Variants in COL22A1 observed in about 807,000 individuals in gnomAD.
COL22A1 encodes the protein collagen type XXII alpha 1 chain, also known as collagen alpha-1(XXII) chain.
Under a neutral mutation model 248.9 loss-of-function variants are expected in COL22A1, and 221 were observed. The ratio of observed to expected loss-of-function variants is 0.89; its 90% CI spans 0.80 to 0.99. The LOEUF is 0.99. Ranked by LOEUF, COL22A1 falls within the 50% of genes least tolerant of loss-of-function variation. The pLI, the probability that COL22A1 is intolerant of heterozygous loss-of-function variation, is 0.00. For synonymous variants in COL22A1, 891 were observed against 793.4 expected, an observed-to-expected ratio of 1.12 and a Z score of -2.07; for missense variants, 2,240 against 2,179.0, an observed-to-expected ratio of 1.03 and a Z score of -0.56.
Position 138,716,294 on chromosome 8 carries a change from G to A in COL22A1, c.2401-5C>T. 6.3e-7 allele frequency: 1 copy of A among 1,581,184 alleles called. No homozygotes were observed. The highest frequency in any genetic ancestry group is 8.6e-7 in the Non-Finnish European group (1 of 1,161,294). ...CCCTGGGAGGCCTGCTTCTCCCTGTGAGAACAAAATATTCACAAGGCGTCA... is the reference window on the plus strand; with the variant it reads ...CCCTGGGAGGCCTGCTTCTCCCTGTAAGAACAAAATATTCACAAGGCGTCA... On this transcript the variant is annotated splice_polypyrimidine_tract_variant and splice_region_variant and intron_variant, in intron 28 of 64. Coordinates refer to ENST00000303045, the MANE Select transcript of COL22A1 (RefSeq NM_152888.3).
chr8:138,841,799 A>G (rs1820904026), intron 4 of COL22A1, among the ~76,000 whole-genome samples: 1 of 152,126 alleles, frequency 6.6e-6, no homozygotes, highest in Non-Finnish European at 1.5e-5. Flanking sequence ...AGGAAGTGCA[A>G]TTTTCTTTCA....
intron 49 of COL22A1, among the ~76,000 whole-genome samples, chr8:138,634,442 A>G (rs1035135212): frequency 1.7e-4 from 26 of 152,154 alleles, no homozygotes; most frequent in Non-Finnish European, 2.2e-4. Flanking sequence ...CATGATGGAT[A>G]TGTGGGCTGC....
At chr8:138,699,913 G>T (rs1349545667) in intron 32 of COL22A1, among the ~76,000 whole-genome samples, 199 bp downstream of exon 32, 3 of 152,322 alleles carry the variant, frequency 2.0e-5, no homozygotes, top group Non-Finnish European at 4.4e-5. Context: ...GGAATGTCCT[G>T]CCTGACCCTG....
At chr8:138,860,395 G>A (rs1338084842) in intron 3 of COL22A1, among the ~76,000 whole-genome samples, 1 of 152,168 alleles carries the variant, frequency 6.6e-6, no homozygotes, top group African/African-American at 2.4e-5. Context: ...CAGACTGAGC[G>A]AGCCAGCACC....
chr8:138,853,036 C>A (rs1016552910), intron 3 of COL22A1, among the ~76,000 whole-genome samples: 1 of 151,762 alleles, frequency 6.6e-6, no homozygotes, highest in South Asian at 2.1e-4. Flanking sequence ...ATTAGCAGCA[C>A]GTGGTGATGT....
intron 7 of COL22A1, among the ~76,000 whole-genome samples, chr8:138,818,814 C>A (rs960945312): frequency 2.0e-5 from 3 of 152,130 alleles, no homozygotes; most frequent in Admixed American, 1.3e-4. Flanking sequence ...CTATTTTTTG[C>A]TTAACTTGGT....
chr8:138,847,812 A>AC (rs1821355919), intron 3 of COL22A1, among the ~76,000 whole-genome samples: 1 of 152,042 alleles, frequency 6.6e-6, no homozygotes, highest in Non-Finnish European at 1.5e-5. Context: ...AAAAAAAAAA[A>AC]AAACTTCTAT....
intron 12 of COL22A1, among the ~76,000 whole-genome samples, chr8:138,781,297 T>C (rs1814971358): frequency 6.6e-6 from 1 of 152,130 alleles, no homozygotes; most frequent in African/African-American, 2.4e-5. Context: ...TTCCTCGCCC[T>C]GGGCTTGGTC....
At chr8:138,796,719 G>A (rs755373353) in intron 12 of COL22A1, 100 bp downstream of exon 12, 32 of 851,062 alleles carry the variant, frequency 3.8e-5, no homozygotes, top group East Asian at 1.2e-4. Flanking sequence ...TCCCCCACTC[G>A]AATTCTTTCC....
At chr8:138,729,133 A>T (rs1830528846) in intron 23 of COL22A1, among the ~76,000 whole-genome samples, 1 of 152,072 alleles carries the variant, frequency 6.6e-6, no homozygotes, top group Admixed American at 6.5e-5. Flanking sequence ...TTTTTCATTA[A>T]ATTTACAGAG....
At chr8:138,700,007 TG>T in intron 32 of COL22A1, 104 bp downstream of exon 32, 1 of 1,045,616 alleles carries the variant, frequency 9.6e-7, no homozygotes, top group Non-Finnish European at 1.5e-6. Context: ...ATGAACGCGA[TG>T]GGGCTGAGTC....
chr8:138,694,453 T>C, intron 34 of COL22A1, 55 bp downstream of exon 34: 1 of 1,546,678 alleles, frequency 6.5e-7, no homozygotes, highest in Admixed American at 1.7e-5. Flanking sequence ...AGCGAGAGAG[T>C]GTGGCTGGGA....
At chr8:138,593,961 T>A (rs1325821384) in intron 63 of COL22A1, 56 bp downstream of exon 63, 2 of 1,377,774 alleles carry the variant, frequency 1.5e-6, no homozygotes, top group Admixed American at 5.6e-5. Context: ...CCAGCCCTGT[T>A]CCTTCTCCGC....
chr8:138,628,545 GA>G (rs1003142036), intron 50 of COL22A1, among the ~76,000 whole-genome samples: 1 of 151,210 alleles, frequency 6.6e-6, no homozygotes, highest in East Asian at 1.9e-4. Context: ...AGAAGAAAAA[GA>G]AAAAAAAATT....
intron 44 of COL22A1, 131 bp downstream of exon 44, chr8:138,660,305 A>G (rs1823701533): frequency 1.4e-6 from 1 of 717,572 alleles, no homozygotes; most frequent in Non-Finnish European, 2.4e-6. Context: ...ATCCCATATT[A>G]GTTTCCTCTG....
chr8:138,655,786 T>C, intron 45 of COL22A1, 111 bp downstream of exon 45: 1 of 891,672 alleles, frequency 1.1e-6, no homozygotes, highest in Non-Finnish European at 1.9e-6. Flanking sequence ...GCTGCTGTTA[T>C]CGTTAATACT....
intron 16 of COL22A1, among the ~76,000 whole-genome samples, chr8:138,769,176 G>T (rs907612953): frequency 6.6e-6 from 1 of 152,094 alleles, no homozygotes; most frequent in East Asian, 1.9e-4. Context: ...GATGTGATTT[G>T]TCTTCTACCC....
intron 23 of COL22A1, 114 bp downstream of exon 23, chr8:138,737,410 T>G: frequency 5.3e-6 from 4 of 754,608 alleles, no homozygotes; most frequent in Non-Finnish European, 7.1e-6. Flanking sequence ...TTTTTAATAG[T>G]TTGATGAGGT....
chr8:138,614,232 T>C (rs965030668), intron 55 of COL22A1, among the ~76,000 whole-genome samples: 2 of 152,100 alleles, frequency 1.3e-5, no homozygotes, highest in Admixed American at 6.5e-5. Context: ...GGAGAGAATC[T>C]CTCTTGAAGT....
Sources: allele counts gnomAD v4.1 joint callset (sites outside exome capture counted in the v4.1 genomes callset), GRCh38; gene constraint gnomAD v4.1.1; transcripts MANE v1.5; gene names NCBI Gene and HGNC (gene_info 2026-07-23, HGNC 2026-07-21).